CPS1: variants seen among roughly 807,000 people sequenced by gnomAD.
CPS1 encodes carbamoyl-phosphate synthase [ammonia], mitochondrial.
Under a neutral mutation model 174.6 loss-of-function variants are expected in CPS1, and 109 were observed. The observed-to-expected ratio is 0.62, with a 90% CI of 0.53 to 0.73. The LOEUF is 0.73. Among genes scored for constraint, CPS1 ranks in the 30% least tolerant of loss-of-function variants. The pLI is 0.00. For missense variants in CPS1, 1,689 were observed against 1,821.9 expected (o/e 0.93, Z 1.33); for synonymous variants, 637 against 632.0 (o/e 1.01, Z -0.12).
upstream of CPS1, among the ~76,000 whole-genome samples, chr2:210,554,126 TATAC>T (rs1205990741): frequency 5.7e-5 from 8 of 139,428 alleles, no homozygotes; most frequent in African/African-American, 1.8e-4. Context: ...TGTATGTATA[TATAC>T]ATACATATAT....
intron 6 of CPS1, among the ~76,000 whole-genome samples, chr2:210,584,759 T>A (rs1698051386): frequency 6.6e-6 from 1 of 152,046 alleles, no homozygotes. Context: ...GCTAACCTCA[T>A]GCTATTTTTC....
rs150966847 is a variant in CPS1 at position 210,675,818 on chromosome 2, C to G, written c.4252C>G (p.Pro1418Ala). The change falls in exon 36 of 38, where the codon CCC (proline) becomes GCC (alanine). Residue 1418 changes from proline (P) to alanine (A), a missense_variant. Physicochemically the swap from Pro to Ala is conservative, Grantham distance 27 (BLOSUM62 -1). Transcript: ENST00000233072. ...ATGGCCGTCTCAAGAAGGACAGAAT[C>G]CCAGCCTCTCTTCCATCAGAAAGTA... ...VAWPSQEGQNPSLSSIRKLIR... is the reference protein window; with the variant it reads ...VAWPSQEGQNASLSSIRKLIR... The G allele has an allele frequency of 1.4e-5, 22 of 1,558,398 alleles. 1 individual carries two copies. The Middle Eastern group carries it at 8.4e-4, about 59-fold the overall frequency.
chr2:210,576,432 A>G lies in CPS1; in HGVS notation c.323A>G (p.Asp108Gly). The G allele has an allele frequency of 6.2e-7, 1 of 1,613,776 alleles. No individual in the cohort carries two copies. The highest frequency in any genetic ancestry group is 8.5e-7 in the Non-Finnish European group (1 of 1,179,744). The change falls in exon 3 of 38, where the codon GAT (aspartate) becomes GGT (glycine). Residue 108 changes from aspartate to glycine, a missense_variant. Asp to Gly is a moderately conservative substitution (Grantham distance 94, BLOSUM62 -1). Transcript: ENST00000233072. The stretch of plus-strand genomic sequence containing the variant: ...ATTATTGGGAATGGTGGAGCTCCTG[A>G]TACTACTGCTCTGGATGAACTGGGA... Reference protein sequence around the residue: ...NPIIGNGGAPDTTALDELGLS... With the variant: ...NPIIGNGGAPGTTALDELGLS...
chr2:210,557,209 T>C (rs186466918), intron 1 of CPS1, among the ~76,000 whole-genome samples: 67 of 152,238 alleles, frequency 4.4e-4, no homozygotes, highest in African/African-American at 1.4e-3. Flanking sequence ...GCTGCTTATA[T>C]GTGTGTGAGC....
rs146438788 is a variant in CPS1 at position 210,608,203 on chromosome 2, G to T, written c.2193-158G>T. Among the ~76,000 whole-genome samples the T allele has an allele frequency of 6.0e-3, 918 of 151,792 alleles. 6 individuals are homozygous for T. The highest frequency in any genetic ancestry group is 0.019 in the African/African-American group (799 of 41,456). ...TTTGTATCATGACTCCTATTATTCC[G>T]CAAGTGGCTACTAAATATTGATGCA... On this transcript the variant is annotated intron_variant, in intron 18 of 37. Transcript: ENST00000233072.
At chr2:210,627,060 T>C (rs899037277) in intron 21 of CPS1, among the ~76,000 whole-genome samples, 3 of 152,166 alleles carry the variant, frequency 2.0e-5, no homozygotes, top group Non-Finnish European at 4.4e-5. Flanking sequence ...TTGCGAGATA[T>C]GACTTTTAAA....
intron 21 of CPS1, among the ~76,000 whole-genome samples, chr2:210,636,579 A>G (rs1461843135): frequency 1.3e-5 from 2 of 152,144 alleles, no homozygotes; most frequent in Non-Finnish European, 2.9e-5. Flanking sequence ...ACTTAAATCC[A>G]GCAGGAAAAA....
Position 210,637,683 on chromosome 2 carries a change from C to G in CPS1, c.2688-19C>G, listed in dbSNP as rs755339371. ...GTTTTTGGTCTAAACTTGAATCTCTCTTTTCTATTAAATCCTAGTGAGTCC... is the reference window on the plus strand; with the variant it reads ...GTTTTTGGTCTAAACTTGAATCTCTGTTTTCTATTAAATCCTAGTGAGTCC... On this transcript the variant is annotated intron_variant, in intron 21 of 37. Coordinates refer to ENST00000233072, the MANE Select transcript of CPS1 (RefSeq NM_001875.5). 5 of 1,613,532 alleles carry G rather than the reference C, an allele frequency of 3.1e-6. No individual in the cohort carries two copies. The South Asian group carries it at 5.5e-5, about 18-fold the overall frequency.
chr2:210,677,958 G>A lies in CPS1; in HGVS notation c.4476G>A (p.Arg1492=), dbSNP rs745808948. The change falls in exon 38 of 38, where the codon AGG becomes AGA. Residue 1492 remains arginine (R), a synonymous_variant. Transcript: ENST00000233072. Reference sequence around the variant, plus strand: ...ACTCCAAGAGTCTTTTCCACTACAGGCAGTACAGTGCTGGAAAAGCAGCAT... The same window carrying A: ...ACTCCAAGAGTCTTTTCCACTACAGACAGTACAGTGCTGGAAAAGCAGCAT... ...KVDSKSLFHY[R]QYSAGKAA is the part of the protein sequence containing the mutation. 4 of 1,613,860 alleles carry A rather than the reference G, an allele frequency of 2.5e-6. No individual in the cohort carries two copies. The South Asian group carries it at 4.4e-5, about 18-fold the overall frequency.
intron 20 of CPS1, among the ~76,000 whole-genome samples, chr2:210,612,859 T>C (rs1699176848): frequency 6.6e-6 from 1 of 151,956 alleles, no homozygotes; most frequent in African/African-American, 2.4e-5. Flanking sequence ...CCTACATTTC[T>C]CACTTCCCTC....
At chr2:210,664,430 C>A (rs1300623704) in intron 33 of CPS1, among the ~76,000 whole-genome samples, 2 of 151,902 alleles carry the variant, frequency 1.3e-5, no homozygotes, top group Non-Finnish European at 2.9e-5. Flanking sequence ...GCCTCCACTT[C>A]CTGGGTTCAA....
At chr2:210,675,629 T>C in intron 35 of CPS1, 99 bp from the exon 36 acceptor site, 1 of 736,174 alleles carries the variant, frequency 1.4e-6, no homozygotes, top group Non-Finnish European at 2.5e-6. Context: ...CTACTTCTCA[T>C]GTTCAGCAAT....
intron 1 of CPS1, among the ~76,000 whole-genome samples, chr2:210,518,481 G>A (rs575127949): frequency 2.0e-5 from 3 of 151,988 alleles, no homozygotes; most frequent in Non-Finnish European, 2.9e-5. Context: ...GTAATGTCCA[G>A]CTTACTGAAA....
chr2:210,642,535 G>C lies in CPS1; in HGVS notation c.3011G>C (p.Arg1004Pro). The part of the protein sequence containing the change: ...WCAVSSIRTL[R>P]QLGKKTVVVN... ...GCTGTCTCTAGTATCCGCACACTGC[G>C]TCAACTTGGCAAGAAGACGGTGGTG... The change falls in exon 25 of 38, where the codon CGT (arginine) becomes CCT (proline). Residue 1004 changes from arginine to proline, a missense_variant. Arg to Pro is a moderately radical substitution (Grantham distance 103). Coordinates refer to ENST00000233072, the MANE Select transcript of CPS1 (RefSeq NM_001875.5). 1 of 1,613,968 alleles carries C rather than the reference G, an allele frequency of 6.2e-7. No individual in the cohort carries two copies. The highest frequency in any genetic ancestry group is 8.5e-7 in the Non-Finnish European group (1 of 1,179,902).
intron 1 of CPS1, among the ~76,000 whole-genome samples, chr2:210,525,680 G>A (rs1458717369): frequency 2.2e-5 from 1 of 45,992 alleles, no homozygotes; most frequent in East Asian, 4.9e-4. Context: ...CTCTTGAGTC[G>A]TTTGGAGATG....
At chr2:210,663,328 A>G (rs1662910720) in intron 33 of CPS1, 131 bp downstream of exon 33, 2 of 855,228 alleles carry the variant, frequency 2.3e-6, no homozygotes, top group Non-Finnish European at 3.7e-6. Flanking sequence ...GAGCTTATGA[A>G]TTTTGAATTT....
chr2:210,640,019 C>T lies in CPS1; in HGVS notation c.2919C>T (p.Asp973=). 1 of 1,611,222 alleles carries T rather than the reference C, an allele frequency of 6.2e-7. No homozygotes were observed. Among genetic ancestry groups the T allele is most frequent in the Non-Finnish European group, 8.5e-7 (1 of 1,177,972 alleles). ...NGQEHDVNFD[D]HGMMVLGCGP... ...AGGAGCATGATGTCAATTTTGATGA[C>T]CATGGAATGATGGTGCTAGGCTGTG... is the stretch of plus-strand genomic sequence containing the variant. Residue 973 remains aspartate (D), a synonymous_variant, in exon 24 of 38, where the codon GAC becomes GAT. Coordinates refer to ENST00000233072, the MANE Select transcript of CPS1 (RefSeq NM_001875.5).
intron 5 of CPS1, 59 bp downstream of exon 5, chr2:210,579,829 TG>T: frequency 7.1e-7 from 1 of 1,405,742 alleles, no homozygotes; most frequent in Non-Finnish European, 1.0e-6. Context: ...TGTGTGTGTG[TG>T]TGTGGTGTTT....
intron 1 of CPS1, among the ~76,000 whole-genome samples, chr2:210,565,284 T>A (rs1277944041): frequency 6.6e-6 from 1 of 152,080 alleles, no homozygotes; most frequent in Non-Finnish European, 1.5e-5. Flanking sequence ...GACTAGTAAT[T>A]TAATCTTTAA....
Sources: gnomAD v4.1 joint callset for allele counts (sites outside exome capture counted in the v4.1 genomes callset) on GRCh38, gnomAD v4.1.1 for gene constraint, MANE v1.5 for transcripts, NCBI Gene and HGNC (gene_info 2026-07-23, HGNC 2026-07-21) for gene names.